Variants in CLPB observed in about 807,000 individuals in gnomAD.
CLPB encodes the protein mitochondrial disaggregase.
CLPB carries 40 observed loss-of-function variants against 78.4 expected under a neutral mutation model. The observed-to-expected ratio is 0.51, with a 90% CI of 0.40 to 0.66. The LOEUF is 0.66. CLPB is among the 30% of genes least tolerant of loss of function. CLPB has a pLI of 0.00. For synonymous variants in CLPB, 333 were observed against 348.0 expected (o/e 0.96, Z 0.48); for missense variants, 780 against 886.9 (o/e 0.88, Z 1.53).
At chr11:72,320,017 C>T (rs1311002464) in intron 6 of CLPB, among the ~76,000 whole-genome samples, 3 of 152,206 alleles carry the variant, frequency 2.0e-5, no homozygotes, top group Non-Finnish European at 4.4e-5. Context: ...AGGCGGCTCT[C>T]GAGGCTCCAT....
chr11:72,319,559 C>A (rs1294747963), intron 6 of CLPB, among the ~76,000 whole-genome samples: 1 of 152,220 alleles, frequency 6.6e-6, no homozygotes, highest in Non-Finnish European at 1.5e-5. Context: ...TGAGTTCACC[C>A]CTCAACTTCA....
Position 72,293,179 on chromosome 11 carries a change from G to C in CLPB, c.*188C>G, listed in dbSNP as rs1348313544. The C allele has an allele frequency of 1.6e-5, 11 of 681,378 alleles. No homozygotes were observed. The highest frequency in any genetic ancestry group is 2.4e-5 in the Non-Finnish European group (10 of 411,424). The allele number at this position is 681,378 out of a possible 1,614,324, so 42.2% of individuals were successfully genotyped here. A position where few individuals can be genotyped will look rare whatever the true frequency, so the allele number is the denominator to read the frequency against. On this transcript the variant is annotated 3_prime_UTR_variant, in exon 16 of 16. Coordinates refer to ENST00000538039, the MANE Select transcript of CLPB (RefSeq NM_001258392.3). ...TTATGGGCCCACAACAAAGGGGCCA[G>C]AGTAGGGCGAAATTCCTCCTTCAGG...
rs754926819 is a variant in CLPB at position 72,294,298 on chromosome 11, C to A, written c.1680+27G>T. The A allele has an allele frequency of 3.5e-5, 57 of 1,614,046 alleles. No individual in the cohort carries two copies. Among genetic ancestry groups the A allele is most frequent in the Non-Finnish European group, 3.3e-5 (39 of 1,180,030 alleles). On this transcript the variant is annotated intron_variant, in intron 14 of 15. Coordinates refer to ENST00000538039, the MANE Select transcript of CLPB (RefSeq NM_001258392.3). Reference sequence around the variant, plus strand: ...GATTTCCAGTGGCTGGCTATCCCGCCCCCACCCATGGGCAGTTCCCTCTTA... The same window carrying A: ...GATTTCCAGTGGCTGGCTATCCCGCACCCACCCATGGGCAGTTCCCTCTTA...
intron 3 of CLPB, among the ~76,000 whole-genome samples, chr11:72,394,401 T>C (rs1386173323): frequency 6.6e-6 from 1 of 151,916 alleles, no homozygotes; most frequent in African/African-American, 2.4e-5. Context: ...CACTGGATGC[T>C]CTCCTATCCC....
At chr11:72,359,126 A>C in intron 4 of CLPB, 118 bp from the exon 5 acceptor site, 1 of 1,490,574 alleles carries the variant, frequency 6.7e-7, no homozygotes, top group Non-Finnish European at 9.2e-7. Flanking sequence ...CTAAGCATAA[A>C]ATGGCACCTA....
chr11:72,343,548 T>G (rs533811456), intron 5 of CLPB, among the ~76,000 whole-genome samples: 2 of 152,188 alleles, frequency 1.3e-5, no homozygotes, highest in Non-Finnish European at 2.9e-5. Flanking sequence ...CCTTCTTTTA[T>G]GCCCAACCAC....
intron 5 of CLPB, among the ~76,000 whole-genome samples, chr11:72,344,928 T>C (rs1404755344): frequency 1.3e-5 from 2 of 152,114 alleles, no homozygotes; most frequent in Non-Finnish European, 2.9e-5. Context: ...AACATATGAA[T>C]TGATGTTCAA....
Position 72,293,576 on chromosome 11 carries a change from C to T in CLPB, c.1825G>A (p.Glu609Lys), listed in dbSNP as rs375934856. ...RVVNQLAAAY[E>K]QDLLPGGCTL... is the part of the protein sequence containing the mutation. Reference sequence around the variant, plus strand: ...CAGCCCCCTGGCAGCAGGTCCTGCTCATAGGCTGCTGCCAGCTGGTTCACC... The same window carrying T: ...CAGCCCCCTGGCAGCAGGTCCTGCTTATAGGCTGCTGCCAGCTGGTTCACC... The change falls in exon 16 of 16, where the codon GAG (glutamate) becomes AAG (lysine). Residue 609 changes from glutamate to lysine, a missense_variant. Coordinates refer to ENST00000538039, the MANE Select transcript of CLPB (RefSeq NM_001258392.3). 3 of 1,613,896 alleles carry T rather than the reference C, an allele frequency of 1.9e-6. No homozygotes were observed. The highest frequency in any genetic ancestry group is 1.7e-6 in the Non-Finnish European group (2 of 1,179,894).
chr11:72,310,827 T>C (rs549101155), intron 7 of CLPB: 9 of 152,224 alleles, frequency 5.9e-5, no homozygotes, highest in Non-Finnish European at 7.3e-5. Flanking sequence ...TAAGGTAGCA[T>C]CCCAGCCCAC....
chr11:72,321,364 A>G (rs1200638456), intron 6 of CLPB, among the ~76,000 whole-genome samples: 1 of 152,166 alleles, frequency 6.6e-6, no homozygotes, highest in African/African-American at 2.4e-5. Flanking sequence ...GCCACACACA[A>G]TTAGCTTCAG....
intron 5 of CLPB, among the ~76,000 whole-genome samples, chr11:72,331,305 G>A (rs181813609): frequency 1.4e-3 from 207 of 151,706 alleles, no homozygotes; most frequent in African/African-American, 4.6e-3. Flanking sequence ...TCAGGAGGCC[G>A]AGGCAGGAAA....
At chr11:72,388,394 G>A (rs576238355) in intron 3 of CLPB, among the ~76,000 whole-genome samples, 41 of 152,092 alleles carry the variant, frequency 2.7e-4, no homozygotes, top group African/African-American at 9.6e-4. Flanking sequence ...GGGACTACAG[G>A]CACCTGCCAC....
In CLPB at chr11:72,285,923, C is replaced by G. The variant is rs999099188; in HGVS notation, c.*7444G>C. The G allele has an allele frequency of 1.3e-5, 2 of 148,864 alleles. No homozygotes were observed. Among genetic ancestry groups the G allele is most frequent in the African/African-American group, 4.9e-5 (2 of 40,682 alleles). 9.2% of individuals were successfully genotyped at this position (148,864 alleles called of 1,614,324 possible). On this transcript the variant is annotated 3_prime_UTR_variant, in exon 16 of 16. Transcript: ENST00000538039. ...TGTACAGTTATCTTTTATTCAGACA[C>G]TTATCCATGCTAATAGGCTTCTACT... is the stretch of plus-strand genomic sequence containing the variant.
At chr11:72,374,973 T>C (rs999728883) in intron 4 of CLPB, among the ~76,000 whole-genome samples, 2 of 152,194 alleles carry the variant, frequency 1.3e-5, no homozygotes, top group African/African-American at 4.8e-5. Flanking sequence ...CCCACATATC[T>C]AACTATTCAC....
intron 2 of CLPB, among the ~76,000 whole-genome samples, chr11:72,415,719 A>G (rs563085027): frequency 6.6e-6 from 1 of 152,378 alleles, no homozygotes; most frequent in East Asian, 1.9e-4. Context: ...TGGATCTCAG[A>G]AGGCTGGGCC....
intron 5 of CLPB, among the ~76,000 whole-genome samples, chr11:72,356,093 C>T (rs1590838625): frequency 1.3e-5 from 2 of 151,960 alleles, no homozygotes; most frequent in Admixed American, 6.6e-5. Flanking sequence ...ACTAGCCTGA[C>T]CAACATGGAG....
At chr11:72,323,263 T>C (rs1950074205) in intron 6 of CLPB, among the ~76,000 whole-genome samples, 1 of 152,200 alleles carries the variant, frequency 6.6e-6, no homozygotes. Context: ...ATAACCAACC[T>C]GCACTTGTTA....
At chr11:72,362,403 T>C (rs1178045499) in intron 4 of CLPB, among the ~76,000 whole-genome samples, 1 of 152,230 alleles carries the variant, frequency 6.6e-6, no homozygotes, top group Non-Finnish European at 1.5e-5. Context: ...CAGCAGTGTA[T>C]GGCCATAAGT....
At position 72,336,429 on chromosome 11, in the gene CLPB, C is replaced by T. The variant is rs118103371; in HGVS notation, c.776-6625G>A. The stretch of plus-strand genomic sequence containing the variant: ...CTGGGCTGGGGAGCCAGTGAGGGGC[C>T]GCCTCTCCCAGCTGTGTGATCCAGG... On this transcript the variant is annotated intron_variant, in intron 5 of 15. Transcript: ENST00000538039. Among the ~76,000 whole-genome samples the T allele has an allele frequency of 7.9e-4, 121 of 152,214 alleles. No individual in the cohort carries two copies. In the East Asian group the frequency reaches 0.021, roughly 26 times the overall value.
Sources: gnomAD v4.1 joint callset for allele counts (sites outside exome capture counted in the v4.1 genomes callset) on GRCh38, gnomAD v4.1.1 for gene constraint, MANE v1.5 for transcripts, NCBI Gene and HGNC (gene_info 2026-07-23, HGNC 2026-07-21) for gene names.